The following NUDCD3 variants were observed in gnomAD, a reference collection of about 807,000 sequenced individuals.
NUDCD3 encodes NudC domain containing 3.
Under a neutral mutation model 39.7 loss-of-function variants are expected in NUDCD3, and 13 were observed. That is an observed-to-expected ratio of 0.33 (90% confidence interval 0.21 to 0.52). The LOEUF (loss-of-function observed/expected upper bound fraction) is 0.52, where lower values mean the gene tolerates loss of function less well. Among genes scored for constraint, NUDCD3 ranks in the 20% least tolerant of loss-of-function variants. The probability of loss-of-function intolerance (pLI) is 0.96; values close to 1 mark genes in which losing one functional copy is unlikely to be tolerated. For missense variants in NUDCD3, 453 were observed against 458.1 expected, an observed-to-expected ratio of 0.99 and a Z score of 0.10; for synonymous variants, 175 against 172.4, an observed-to-expected ratio of 1.02 and a Z score of -0.12.
Position 44,383,827 on chromosome 7 carries a change from A to G in NUDCD3, c.*2184T>C, listed in dbSNP as rs929733082. 13 of 152,286 alleles carry G rather than the reference A, an allele frequency of 8.5e-5. No homozygotes were observed. The highest frequency in any genetic ancestry group is 1.3e-4 in the Admixed American group (2 of 15,284). The allele number at this position is 152,286 out of a possible 1,614,324, so 9.4% of individuals were successfully genotyped here. The stretch of plus-strand genomic sequence containing the variant: ...CCAGTCCAGGGTGGTGGCTCAGGGC[A>G]GAGAATCACCCACCAGACAGCGTGG... On this transcript the variant is annotated 3_prime_UTR_variant, in exon 6 of 6. Coordinates refer to ENST00000355451, the MANE Select transcript of NUDCD3 (RefSeq NM_015332.4).
At chr7:44,432,721 T>C (rs1236005477) in intron 2 of NUDCD3, among the ~76,000 whole-genome samples, 1 of 152,148 alleles carries the variant, frequency 6.6e-6, no homozygotes, top group Non-Finnish European at 1.5e-5. Flanking sequence ...CTTAACTACA[T>C]TGCCCTTAAC....
intron 2 of NUDCD3, among the ~76,000 whole-genome samples, chr7:44,456,039 A>C (rs1345739656): frequency 1.5e-5 from 2 of 136,530 alleles, no homozygotes; most frequent in South Asian, 2.3e-4. Flanking sequence ...AAAAAAAAAA[A>C]AAAAAAAAAA....
chr7:44,448,070 A>C (rs1003523853), intron 2 of NUDCD3, among the ~76,000 whole-genome samples: 2 of 152,208 alleles, frequency 1.3e-5, no homozygotes, highest in African/African-American at 4.8e-5. Flanking sequence ...TTGGTAGCTG[A>C]ACATAGGCTT....
At chr7:44,444,131 T>C (rs1799645702) in intron 2 of NUDCD3, among the ~76,000 whole-genome samples, 1 of 152,206 alleles carries the variant, frequency 6.6e-6, no homozygotes, top group South Asian at 2.1e-4. Flanking sequence ...ATTTCTGGAA[T>C]GAGAAGGCTC....
At chr7:44,440,271 A>T (rs1200322249) in intron 2 of NUDCD3, among the ~76,000 whole-genome samples, 3 of 152,232 alleles carry the variant, frequency 2.0e-5, no homozygotes, top group African/African-American at 7.2e-5. Flanking sequence ...CCAAATCCAT[A>T]GCCCTGAGTC....
intron 3 of NUDCD3, among the ~76,000 whole-genome samples, chr7:44,412,607 T>C (rs558760671): frequency 6.6e-6 from 1 of 152,250 alleles, no homozygotes; most frequent in South Asian, 2.1e-4. Flanking sequence ...AAACAAATCA[T>C]TTCATTTCTG....
chr7:44,489,673 A>T (rs532858634), intron 1 of NUDCD3: 1 of 152,284 alleles, frequency 6.6e-6, no homozygotes, highest in Admixed American at 6.5e-5. Flanking sequence ...GCTCCATCAA[A>T]TAATTGCCCT....
At chr7:44,407,856 A>G (rs1798858075) in intron 3 of NUDCD3, among the ~76,000 whole-genome samples, 1 of 152,222 alleles carries the variant, frequency 6.6e-6, no homozygotes, top group African/African-American at 2.4e-5. Context: ...CAAAGAAATC[A>G]AGGTAGAAAC....
At chr7:44,424,997 A>G (rs1194433168) in intron 3 of NUDCD3, among the ~76,000 whole-genome samples, 3 of 152,224 alleles carry the variant, frequency 2.0e-5, no homozygotes, top group African/African-American at 7.2e-5. Context: ...TTGCAGGTAC[A>G]TGGATGAAGC....
rs372280688 is a variant in NUDCD3, at chr7:44,427,331, T to C, written c.642+240A>G. ...TGTGGGCTTCTCTCTCAGGAAGCAG[T>C]GTGAACAGGGTTCACCATCCCCAAA... is the stretch of plus-strand genomic sequence containing the variant. On this transcript the variant is annotated intron_variant, in intron 3 of 5. Transcript: ENST00000355451. Among the ~76,000 whole-genome samples the C allele has an allele frequency of 3.3e-5, 5 of 152,304 alleles. No individual in the cohort carries two copies. In the East Asian group the frequency reaches 9.7e-4, roughly 29 times the overall value.
At chr7:44,388,435 A>G (rs73693184) in intron 5 of NUDCD3, among the ~76,000 whole-genome samples, 1,655 of 152,360 alleles carry the variant, frequency 0.011, 29 homozygotes, top group African/African-American at 0.038. Flanking sequence ...ATGAGGCCAC[A>G]TGAGGGCACA....
At position 44,404,484 on chromosome 7, in the gene NUDCD3, T is replaced by C. The variant is rs765838784; in HGVS notation, c.742A>G (p.Thr248Ala). ...MEGKLTHKIN[T>A]ESSLWSLEPG... ...TCGAGACTCCAGAGAGAACTCTCAG[T>C]GTTGATCTTGTGGGTGAGCTTCCCT... The change falls in exon 4 of 6, where the codon ACT (threonine) becomes GCT (alanine). Residue 248 changes from threonine (T) to alanine (A), a missense_variant. Physicochemically the swap from Thr to Ala is moderately conservative, Grantham distance 58 (BLOSUM62 0). Coordinates refer to ENST00000355451, the MANE Select transcript of NUDCD3 (RefSeq NM_015332.4). 65 of 1,614,016 alleles carry C rather than the reference T, an allele frequency of 4.0e-5. No individual in the cohort carries two copies. The highest frequency in any genetic ancestry group is 2.9e-4 in the South Asian group (26 of 91,062).
chr7:44,409,628 A>C (rs948018823), intron 3 of NUDCD3, among the ~76,000 whole-genome samples: 1 of 152,278 alleles, frequency 6.6e-6, no homozygotes. Flanking sequence ...AAAAGAAAGC[A>C]ATCAATAAAA....
rs116631957 is a variant in NUDCD3 at position 44,396,191 on chromosome 7, C to T, written c.787-3706G>A. 9.1e-3 allele frequency among the ~76,000 whole-genome samples: 1,383 copies of T among 152,060 alleles called. 25 individuals carry two copies. Among genetic ancestry groups the T allele is most frequent in the African/African-American group, 0.031 (1,292 of 41,442 alleles). ...GTCCTTTGTCCTGACCATATACACA[C>T]AGGCCTGCCTCCTCTGCCTTCCAGA... On this transcript the variant is annotated intron_variant, in intron 4 of 5. Coordinates refer to ENST00000355451, the MANE Select transcript of NUDCD3 (RefSeq NM_015332.4).
chr7:44,429,919 T>C (rs550673044), intron 2 of NUDCD3, among the ~76,000 whole-genome samples: 27 of 152,362 alleles, frequency 1.8e-4, no homozygotes, highest in Admixed American at 9.1e-4. Flanking sequence ...TATTTAGTAA[T>C]ATGAAGAAAG....
chr7:44,457,738 G>GA (rs1295340137), intron 2 of NUDCD3, among the ~76,000 whole-genome samples: 2 of 152,136 alleles, frequency 1.3e-5, no homozygotes, highest in East Asian at 3.8e-4. Flanking sequence ...TAACGCACAT[G>GA]AAAAAATACA....
At chr7:44,409,811 T>C (rs185712021) in intron 3 of NUDCD3, among the ~76,000 whole-genome samples, 24 of 152,302 alleles carry the variant, frequency 1.6e-4, no homozygotes, top group Admixed American at 1.1e-3. Flanking sequence ...TCACTATTGA[T>C]ACTGATAACG....
At chr7:44,457,901 C>T (rs1366485226) in intron 2 of NUDCD3, among the ~76,000 whole-genome samples, 1 of 152,184 alleles carries the variant, frequency 6.6e-6, no homozygotes, top group Non-Finnish European at 1.5e-5. Flanking sequence ...AATGGTGGAA[C>T]TGCTTTGGAA....
chr7:44,433,302 G>A (rs543508191), intron 2 of NUDCD3, among the ~76,000 whole-genome samples: 102 of 152,300 alleles, frequency 6.7e-4, no homozygotes, highest in African/African-American at 2.3e-3. Flanking sequence ...TGGCATGTGT[G>A]CAGTGCACTG....
Sources: allele counts gnomAD v4.1 joint callset (sites outside exome capture counted in the v4.1 genomes callset), GRCh38; gene constraint gnomAD v4.1.1; transcripts MANE v1.5; gene names NCBI Gene and HGNC (gene_info 2026-07-23, HGNC 2026-07-21).